The following CSMD3 variants were observed in gnomAD, a reference collection of about 807,000 sequenced individuals.
The protein encoded by CSMD3 is CUB and Sushi multiple domains 3, also known as CUB and sushi domain-containing protein 3.
A neutral mutation model predicts 435.2 loss-of-function variants in CSMD3; 177 were observed. The ratio of observed to expected loss-of-function variants is 0.41; its 90% CI spans 0.36 to 0.46. CSMD3 has a LOEUF of 0.46. Ranked by LOEUF, CSMD3 falls within the 20% of genes least tolerant of loss-of-function variation. The pLI, the probability that CSMD3 is intolerant of heterozygous loss-of-function variation, is 0.34. For synonymous variants in CSMD3, 1,656 were observed against 1,520.5 expected (o/e 1.09, Z -2.07); for missense variants, 4,265 against 4,504.6 (o/e 0.95, Z 1.52).
At chr8:112,255,488 T>TG in intron 61 of CSMD3, 61 bp from the exon 62 acceptor site, 1 of 1,409,324 alleles carries the variant, frequency 7.1e-7, no homozygotes, top group Non-Finnish European at 1.0e-6. Context: ...GTACACAGTT[T>TG]GGAAAAATGG....
chr8:112,939,328 A>G (rs1042389433), intron 9 of CSMD3, among the ~76,000 whole-genome samples: 1 of 152,120 alleles, frequency 6.6e-6, no homozygotes, highest in Non-Finnish European at 1.5e-5. Flanking sequence ...AAACGACAGG[A>G]AAATAGCAAA....
At chr8:112,756,279 C>T (rs2077697067) in intron 13 of CSMD3, among the ~76,000 whole-genome samples, 2 of 152,138 alleles carry the variant, frequency 1.3e-5, no homozygotes, top group South Asian at 2.1e-4. Flanking sequence ...AGGGTTGATT[C>T]CTACCAGGTG....
chr8:112,895,139 G>T (rs775885443), intron 10 of CSMD3, among the ~76,000 whole-genome samples: 6 of 151,200 alleles, frequency 4.0e-5, no homozygotes, highest in Non-Finnish European at 7.4e-5. Flanking sequence ...TGATATAACA[G>T]TCAACAAAAC....
intron 36 of CSMD3, among the ~76,000 whole-genome samples, chr8:112,387,539 C>T (rs1029825363): frequency 1.3e-5 from 2 of 149,514 alleles, no homozygotes; most frequent in African/African-American, 4.9e-5. Context: ...ATGTCTAAAA[C>T]TAGCATCCAT....
At chr8:112,295,696 G>T in intron 54 of CSMD3, 137 bp downstream of exon 54, 1 of 709,958 alleles carries the variant, frequency 1.4e-6, no homozygotes, top group Non-Finnish European at 2.4e-6. Context: ...TTGCATAGCA[G>T]TATCAAATTG....
intron 10 of CSMD3, among the ~76,000 whole-genome samples, chr8:112,910,798 C>G (rs1005871194): frequency 1.3e-5 from 2 of 151,876 alleles, no homozygotes; most frequent in African/African-American, 4.8e-5. Context: ...TTTTTCACCT[C>G]ATTATTTCTC....
At chr8:113,287,351 A>G (rs2093654452) in intron 2 of CSMD3, among the ~76,000 whole-genome samples, 1 of 152,078 alleles carries the variant, frequency 6.6e-6, no homozygotes, top group Non-Finnish European at 1.5e-5. Flanking sequence ...AATAAACAAG[A>G]AAACCACAGG....
chr8:112,392,534 T>G (rs1350828771), intron 35 of CSMD3, among the ~76,000 whole-genome samples: 2 of 152,012 alleles, frequency 1.3e-5, no homozygotes, highest in African/African-American at 4.8e-5. Flanking sequence ...AGGAAGAAAT[T>G]TAAAATATTC....
intron 1 of CSMD3, among the ~76,000 whole-genome samples, chr8:113,409,265 A>C (rs2094547430): frequency 6.6e-6 from 1 of 151,124 alleles, no homozygotes; most frequent in Non-Finnish European, 1.5e-5. Flanking sequence ...GTATTTTTTT[A>C]GTAGAGACAG....
chr8:112,743,035 C>T (rs1175607156), intron 13 of CSMD3, among the ~76,000 whole-genome samples: 1 of 151,968 alleles, frequency 6.6e-6, no homozygotes, highest in Non-Finnish European at 1.5e-5. Flanking sequence ...ACAAATCATG[C>T]AGCTGGTGTC....
chr8:112,492,738 G>T, intron 30 of CSMD3, 55 bp from the exon 31 acceptor site: 2 of 1,345,958 alleles, frequency 1.5e-6, no homozygotes, highest in Non-Finnish European at 2.1e-6. Context: ...TTGGCACTCC[G>T]TAATACATGG....
intron 31 of CSMD3, among the ~76,000 whole-genome samples, chr8:112,488,167 A>C (rs1314642921): frequency 6.6e-6 from 1 of 152,208 alleles, no homozygotes; most frequent in African/African-American, 2.4e-5. Flanking sequence ...TTAAGCTCTT[A>C]AAAACATTTT....
In CSMD3 at chr8:112,436,672, A is replaced by C. The variant is rs545678439; in HGVS notation, c.5396-27640T>G. ...CACAAATACATATACAAAGATATGC[A>C]TATACAACAACTGTGTATACATATA... On this transcript the variant is annotated intron_variant, in intron 32 of 70. Transcript: ENST00000297405. 5.1e-4 allele frequency among the ~76,000 whole-genome samples: 78 copies of C among 152,090 alleles called. 1 individual carries two copies. Among genetic ancestry groups the C allele is most frequent in the African/African-American group, 1.6e-3 (68 of 41,490 alleles).
At chr8:112,527,372 A>T (rs1825084178) in intron 27 of CSMD3, among the ~76,000 whole-genome samples, 2 of 151,648 alleles carry the variant, frequency 1.3e-5, no homozygotes, top group South Asian at 4.1e-4. Flanking sequence ...AAAAGGGTCA[A>T]AAAAAACCCA....
intron 10 of CSMD3, among the ~76,000 whole-genome samples, chr8:112,893,082 T>A (rs555955142): frequency 1.5e-4 from 22 of 150,986 alleles, no homozygotes; most frequent in Admixed American, 7.9e-4. Flanking sequence ...CAACAACAAC[T>A]ACTACTACTA....
At chr8:112,689,682 C>T (rs2076089938) in intron 14 of CSMD3, among the ~76,000 whole-genome samples, 186 bp downstream of exon 14, 2 of 152,020 alleles carry the variant, frequency 1.3e-5, no homozygotes, top group Non-Finnish European at 2.9e-5. Context: ...ACTATGTTAA[C>T]TTTATTTAAA....
At chr8:112,775,776 C>T (rs2078230154) in intron 13 of CSMD3, among the ~76,000 whole-genome samples, 1 of 151,734 alleles carries the variant, frequency 6.6e-6, no homozygotes, top group Admixed American at 6.6e-5. Flanking sequence ...TTCCTAAGCA[C>T]CCATTGTGTG....
intron 54 of CSMD3, among the ~76,000 whole-genome samples, chr8:112,294,003 C>G (rs1820024192): frequency 6.6e-6 from 1 of 151,870 alleles, no homozygotes; most frequent in Admixed American, 6.6e-5. Context: ...ATTGGCTATG[C>G]TTGAATATAA....
At chr8:113,151,287 G>A (rs1265529313) in intron 4 of CSMD3, among the ~76,000 whole-genome samples, 1 of 151,804 alleles carries the variant, frequency 6.6e-6, no homozygotes, top group Admixed American at 6.6e-5. Flanking sequence ...TGTATTGAAT[G>A]TTAGCCTTCA....
Sources: allele counts gnomAD v4.1 joint callset (sites outside exome capture counted in the v4.1 genomes callset), GRCh38; gene constraint gnomAD v4.1.1; transcripts MANE v1.5; gene names NCBI Gene and HGNC (gene_info 2026-07-23, HGNC 2026-07-21).